The following PDE11A variants were observed in gnomAD, a reference collection of about 807,000 sequenced individuals.
PDE11A encodes the protein dual 3',5'-cyclic-AMP and -GMP phosphodiesterase 11A.
Under a neutral mutation model 100.5 loss-of-function variants are expected in PDE11A, and 100 were observed. The ratio of observed to expected loss-of-function variants is 1.00; its 90% CI spans 0.85 to 1.18. The LOEUF (loss-of-function observed/expected upper bound fraction) is 1.18. Among genes scored for constraint, PDE11A ranks in the 50% most tolerant of loss-of-function variants. PDE11A has a pLI of 0.00. For missense variants in PDE11A, 1,141 were observed against 1,152.6 expected (o/e 0.99, Z 0.15); for synonymous variants, 381 against 420.8 (o/e 0.91, Z 1.16).
chr2:177,717,847 A>G (rs1241922298), intron 12 of PDE11A, among the ~76,000 whole-genome samples: 2 of 152,234 alleles, frequency 1.3e-5, no homozygotes, highest in East Asian at 3.8e-4. Flanking sequence ...AGTAATTTCT[A>G]TCATTAGCCA....
rs143298510 is a variant in PDE11A, at chr2:177,963,095, G to C, written c.1071+51207C>G. ...TAGGAAAAATAAATAAAATCTGGCAGTCAGTAGGCTTTCTGTATCTATGTC... is the reference window on the plus strand; with the variant it reads ...TAGGAAAAATAAATAAAATCTGGCACTCAGTAGGCTTTCTGTATCTATGTC... On this transcript the variant is annotated intron_variant, in intron 2 of 19. Transcript: ENST00000286063. Among the ~76,000 whole-genome samples, 22 of 152,284 alleles carry C rather than the reference G, an allele frequency of 1.4e-4. No homozygotes were observed. The East Asian group carries it at 3.7e-3, about 25-fold the overall frequency.
intron 5 of PDE11A, among the ~76,000 whole-genome samples, chr2:177,849,803 A>G (rs1409776798): frequency 6.6e-6 from 1 of 151,666 alleles, no homozygotes; most frequent in Non-Finnish European, 1.5e-5. Context: ...AAAAAAACAA[A>G]AAAACCTAGG....
chr2:177,868,463 G>T (rs538839493), intron 5 of PDE11A, among the ~76,000 whole-genome samples: 2 of 152,252 alleles, frequency 1.3e-5, no homozygotes, highest in African/African-American at 4.8e-5. Flanking sequence ...ATGAGGCAAT[G>T]CATTATCACT....
intron 5 of PDE11A, among the ~76,000 whole-genome samples, chr2:177,851,923 C>A (rs1418872165): frequency 1.3e-5 from 2 of 152,162 alleles, no homozygotes; most frequent in African/African-American, 4.8e-5. Context: ...CCAGTAGGCC[C>A]CAGTGTGCAC....
intron 1 of PDE11A, among the ~76,000 whole-genome samples, chr2:178,030,595 G>C (rs1574353445): frequency 6.6e-6 from 1 of 151,968 alleles, no homozygotes; most frequent in Non-Finnish European, 1.5e-5. Context: ...AAAAAAAAAG[G>C]CTGGGCATAG....
intron 2 of PDE11A, among the ~76,000 whole-genome samples, chr2:177,956,047 A>G (rs560374147): frequency 4.6e-5 from 7 of 152,290 alleles, no homozygotes; most frequent in South Asian, 2.1e-4. Flanking sequence ...ACAAAAGCCA[A>G]AATTGACAAA....
chr2:177,705,984 G>A (rs1323396030), intron 13 of PDE11A, among the ~76,000 whole-genome samples: 1 of 152,162 alleles, frequency 6.6e-6, no homozygotes, highest in Non-Finnish European at 1.5e-5. Context: ...AGTGGGGAAC[G>A]CTGTCCCTAG....
intron 1 of PDE11A, among the ~76,000 whole-genome samples, chr2:178,031,311 C>T (rs573638684): frequency 6.6e-6 from 1 of 152,184 alleles, no homozygotes; most frequent in African/African-American, 2.4e-5. Flanking sequence ...TCTTGTTCTA[C>T]ATGATACTGG....
rs2086098780 is a variant in PDE11A at position 177,998,015 on chromosome 2, C to T, written c.1071+16287G>A. On this transcript the variant is annotated intron_variant, in intron 2 of 19. Transcript: ENST00000286063. The stretch of plus-strand genomic sequence containing the variant: ...TATGTCACAGACCTTGTGGAATGGA[C>T]AGTTTTAGAGAAGAAGGGTACTGCC... The T allele has an allele frequency of 1.2e-5, 15 of 1,238,908 alleles. No homozygotes were observed. In the South Asian group the frequency reaches 1.8e-4, roughly 15 times the overall value. 76.7% of individuals were successfully genotyped at this position (1,238,908 alleles called of 1,614,324 possible).
At chr2:177,937,769 G>A (rs867293690) in intron 2 of PDE11A, among the ~76,000 whole-genome samples, 2 of 152,168 alleles carry the variant, frequency 1.3e-5, no homozygotes, top group East Asian at 1.9e-4. Flanking sequence ...AGAAGATCCT[G>A]TATACCCCAG....
At chr2:177,872,549 A>G (rs1268150499) in intron 5 of PDE11A, among the ~76,000 whole-genome samples, 2 of 152,236 alleles carry the variant, frequency 1.3e-5, no homozygotes, top group East Asian at 1.9e-4. Context: ...AGGACTATCT[A>G]TAAAAATCAG....
At chr2:177,767,605 AT>A in intron 10 of PDE11A, among the ~76,000 whole-genome samples, 1 of 152,264 alleles carries the variant, frequency 6.6e-6, no homozygotes, top group East Asian at 1.9e-4. Flanking sequence ...AAGCTTAAAT[AT>A]TTTTGATGGA....
At chr2:177,997,473 T>A (rs1237684910) in intron 2 of PDE11A, 1 of 818,724 alleles carries the variant, frequency 1.2e-6, no homozygotes, top group African/African-American at 1.7e-5. Context: ...GAAGGAGGAA[T>A]GTGGAAGAGA....
chr2:178,072,222 A>T lies in PDE11A; in HGVS notation c.216T>A (p.Val72=), dbSNP rs200178879. 1 of 1,613,632 alleles carries T rather than the reference A, an allele frequency of 6.2e-7. No homozygotes were observed. Among genetic ancestry groups the T allele is most frequent in the Non-Finnish European group, 8.5e-7 (1 of 1,179,766 alleles). ...AHSTCRGGSS[V]GGGTGPNGSA... Reference sequence around the variant, plus strand: ...AGCCATTTGGTCCAGTGCCACCACCAACGCTGCTGCCACCTCTGCAGGTGC... The same window carrying T: ...AGCCATTTGGTCCAGTGCCACCACCTACGCTGCTGCCACCTCTGCAGGTGC... Residue 72 remains valine, a synonymous_variant, in exon 1 of 20, where the codon GTT becomes GTA. Transcript: ENST00000286063.
intron 6 of PDE11A, among the ~76,000 whole-genome samples, chr2:177,828,695 G>A (rs981596874): frequency 6.6e-6 from 1 of 152,166 alleles, no homozygotes; most frequent in African/African-American, 2.4e-5. Context: ...TGAGGTGGGC[G>A]TGTAAGTGGC....
At chr2:178,005,909 A>C (rs907008776) in intron 2 of PDE11A, among the ~76,000 whole-genome samples, 9 of 152,204 alleles carry the variant, frequency 5.9e-5, no homozygotes, top group Admixed American at 2.0e-4. Context: ...TGTTGCAACT[A>C]AGCATTTATC....
At chr2:177,790,181 C>G (rs1259104683) in intron 9 of PDE11A, among the ~76,000 whole-genome samples, 3 of 147,906 alleles carry the variant, frequency 2.0e-5, no homozygotes, top group African/African-American at 7.5e-5. Flanking sequence ...GTACTGGTAC[C>G]AAAACAGAGA....
intron 2 of PDE11A, among the ~76,000 whole-genome samples, chr2:177,944,987 C>G (rs1051508488): frequency 1.3e-5 from 2 of 150,102 alleles, no homozygotes; most frequent in African/African-American, 4.9e-5. Context: ...CGCGCCGCCA[C>G]GCCTGACTGG....
At chr2:178,027,894 C>A (rs908311315) in intron 1 of PDE11A, among the ~76,000 whole-genome samples, 5 of 152,044 alleles carry the variant, frequency 3.3e-5, no homozygotes, top group Non-Finnish European at 7.4e-5. Flanking sequence ...TGGAAAACAT[C>A]CTGATTTTCC....
Sources: gnomAD v4.1 joint callset for allele counts (sites outside exome capture counted in the v4.1 genomes callset) on GRCh38, gnomAD v4.1.1 for gene constraint, MANE v1.5 for transcripts, NCBI Gene and HGNC (gene_info 2026-07-23, HGNC 2026-07-21) for gene names.